HTR2C: variants seen among roughly 807,000 people sequenced by gnomAD.
The protein encoded by HTR2C is 5-hydroxytryptamine receptor 2C, also known as 5-hydroxytryptamine (serotonin) receptor 2C, G protein-coupled.
A neutral mutation model predicts 21.0 loss-of-function variants in HTR2C; 5 were observed. That is an observed-to-expected ratio of 0.24 (90% CI 0.12 to 0.50). HTR2C has a LOEUF of 0.50. Ranked by LOEUF, HTR2C falls within the 20% of genes least tolerant of loss-of-function variation. The pLI, the probability that HTR2C is intolerant of heterozygous loss-of-function variation, is 0.98. For missense variants in HTR2C, 271 were observed against 371.2 expected (o/e 0.73, Z 2.22); for synonymous variants, 150 against 145.3 (o/e 1.03, Z -0.23).
At chrX:114,715,107 C>G (rs1471774002) in intron 2 of HTR2C, 1 of 195,544 alleles carries the variant, frequency 5.1e-6, no homozygotes, top group African/African-American at 3.0e-5. Context: ...TAGCAGAAGT[C>G]ACTTCTTTTT....
Position 114,589,784 on chromosome X carries a change from C to A in HTR2C, c.-147+5125C>A, listed in dbSNP as rs187246664. 22 of 293,435 alleles carry A rather than the reference C, an allele frequency of 7.5e-5. No individual in the cohort carries two copies. In the East Asian group the frequency reaches 1.8e-3, roughly 24 times the overall value. 24.2% of individuals were successfully genotyped at this position (293,435 alleles called of 1,213,427 possible). On this transcript the variant is annotated intron_variant, in intron 1 of 5. Transcript: ENST00000276198. The stretch of plus-strand genomic sequence containing the variant: ...TGGTGGGCAGACTAAGCCAATTTTT[C>A]GGAAAAAAGCTAAAACTACAAAGAA...
At chrX:114,732,012 T>TA (rs1332757306) in intron 4 of HTR2C, among the ~76,000 whole-genome samples, 17 of 111,672 alleles carry the variant, frequency 1.5e-4, no homozygotes, top group African/African-American at 5.5e-4. Context: ...AAATATATTT[T>TA]AAGAAATCCT....
chrX:114,764,919 CTTTCTT>C, intron 4 of HTR2C, among the ~76,000 whole-genome samples: 5 of 46,412 alleles, frequency 1.1e-4, no homozygotes, highest in African/African-American at 3.2e-4. Context: ...TTCTTTCTTT[CTTTCTT>C]TTCCTTCCTT....
At chrX:114,906,241 G>A (rs1200837084) in intron 5 of HTR2C, among the ~76,000 whole-genome samples, 1 of 111,667 alleles carries the variant, frequency 9.0e-6, no homozygotes, top group African/African-American at 3.3e-5. Context: ...AATATTTATC[G>A]AGTGCCTTCT....
intron 1 of HTR2C, among the ~76,000 whole-genome samples, chrX:114,591,459 T>C (rs1298289557): frequency 8.9e-6 from 1 of 111,871 alleles, no homozygotes; most frequent in East Asian, 2.8e-4. Context: ...CAAATGACTA[T>C]TCATTGATAC....
At chrX:114,725,640 G>A (rs1343497210) in intron 2 of HTR2C, among the ~76,000 whole-genome samples, 1 of 111,269 alleles carries the variant, frequency 9.0e-6, no homozygotes, top group Non-Finnish European at 1.9e-5. Flanking sequence ...TCCCATCTTT[G>A]TGGTTTTATC....
intron 4 of HTR2C, among the ~76,000 whole-genome samples, chrX:114,783,210 G>T (rs2070137672): frequency 9.1e-6 from 1 of 109,781 alleles, no homozygotes; most frequent in Non-Finnish European, 1.9e-5. Context: ...AAATAAAAAT[G>T]AAATCTAAAT....
In HTR2C at chrX:114,791,106, G is replaced by T. The variant is rs371690854; in HGVS notation, c.350-56897G>T. On this transcript the variant is annotated intron_variant, in intron 4 of 5. Transcript: ENST00000276198. ...AAATTCTGAATAAATATGGCTTTCT[G>T]ACCATGCCAATTAATAGCGCCATGA... 1.5e-4 allele frequency among the ~76,000 whole-genome samples: 17 copies of T among 112,521 alleles called. No homozygotes were observed. In the East Asian group the frequency reaches 2.2e-3, roughly 15 times the overall value.
intron 4 of HTR2C, among the ~76,000 whole-genome samples, chrX:114,769,225 A>T (rs2069975912): frequency 9.0e-6 from 1 of 111,539 alleles, no homozygotes; most frequent in Non-Finnish European, 1.9e-5. Flanking sequence ...TATGCTATGA[A>T]TACAATAACA....
chrX:114,686,336 T>C (rs1180367710), intron 2 of HTR2C, among the ~76,000 whole-genome samples: 1 of 111,371 alleles, frequency 9.0e-6, no homozygotes, highest in Non-Finnish European at 1.9e-5. Context: ...TTGATGTTAC[T>C]GAGCACATAC....
At chrX:114,623,745 C>G (rs1378396784) in intron 2 of HTR2C, among the ~76,000 whole-genome samples, 1 of 110,599 alleles carries the variant, frequency 9.0e-6, no homozygotes, top group Non-Finnish European at 1.9e-5. Flanking sequence ...ATTTCATATG[C>G]TATTTCCTTT....
chrX:114,742,711 GTT>G (rs137858628), intron 4 of HTR2C, among the ~76,000 whole-genome samples: 905 of 81,440 alleles, frequency 0.011, 14 homozygotes, highest in African/African-American at 0.038. Context: ...AGCAGCTACT[GTT>G]TTTTTTTTTT....
chrX:114,829,976 T>C (rs2070707238), intron 4 of HTR2C, among the ~76,000 whole-genome samples: 1 of 111,639 alleles, frequency 9.0e-6, no homozygotes, highest in Admixed American at 9.6e-5. Flanking sequence ...AGATTAAATA[T>C]TTATTTTAGG....
At chrX:114,750,869 G>A (rs144730567) in intron 4 of HTR2C, among the ~76,000 whole-genome samples, 1,191 of 111,560 alleles carry the variant, frequency 0.011, 20 homozygotes, top group Admixed American at 0.071. Context: ...AAACACCAAC[G>A]TGTCCAGTTT....
intron 4 of HTR2C, among the ~76,000 whole-genome samples, chrX:114,814,704 C>A (rs2070564973): frequency 9.6e-6 from 1 of 104,584 alleles, no homozygotes; most frequent in African/African-American, 3.4e-5. Flanking sequence ...GTTCATCTAC[C>A]AAGTTTCACA....
Position 114,733,947 on chromosome X carries a change from G to A in HTR2C, c.349+2340G>A, listed in dbSNP as rs183660527. Among the ~76,000 whole-genome samples the A allele has an allele frequency of 1.4e-3, 155 of 110,556 alleles. 2 individuals are homozygous for A. Among genetic ancestry groups the A allele is most frequent in the African/African-American group, 4.8e-3 (146 of 30,615 alleles). On this transcript the variant is annotated intron_variant, in intron 4 of 5. Transcript: ENST00000276198. ...CCCTCCAATAAAGAATGATCAAGCCGAAGAATATGCTAGCAAAACACTTCA... is the reference window on the plus strand; with the variant it reads ...CCCTCCAATAAAGAATGATCAAGCCAAAGAATATGCTAGCAAAACACTTCA...
At chrX:114,820,527 G>A in intron 4 of HTR2C, among the ~76,000 whole-genome samples, 2 of 110,485 alleles carry the variant, frequency 1.8e-5, no homozygotes, top group East Asian at 5.7e-4. Context: ...TATTGATATG[G>A]TTTGGCTGTG....
intron 5 of HTR2C, among the ~76,000 whole-genome samples, chrX:114,885,300 A>G (rs1166287920): frequency 9.0e-6 from 1 of 111,568 alleles, no homozygotes; most frequent in Non-Finnish European, 1.9e-5. Flanking sequence ...ATTGTGTTAC[A>G]ATTGCCTACA....
At chrX:114,880,301 G>A (rs971045607) in intron 5 of HTR2C, among the ~76,000 whole-genome samples, 11 of 110,301 alleles carry the variant, frequency 1.0e-4, no homozygotes, top group African/African-American at 3.3e-4. Flanking sequence ...CATACAATAT[G>A]TGGCCTTTTT....
Sources: gnomAD v4.1 joint callset for allele counts (sites outside exome capture counted in the v4.1 genomes callset) on GRCh38, gnomAD v4.1.1 for gene constraint, MANE v1.5 for transcripts, NCBI Gene and HGNC (gene_info 2026-07-23, HGNC 2026-07-21) for gene names.